P3H2: variants seen among roughly 807,000 people sequenced by gnomAD.
The protein encoded by P3H2 is leprecan-like 1.
In P3H2, 80 loss-of-function variants were observed where a neutral mutation model predicts 87.0. The observed-to-expected ratio is 0.92, with a 90% CI of 0.77 to 1.11. The LOEUF is 1.11. P3H2 is among the 50% of genes least tolerant of loss of function. The pLI is 0.00. For synonymous variants in P3H2, 367 were observed against 359.3 expected, an observed-to-expected ratio of 1.02 and a Z score of -0.24; for missense variants, 1,001 against 923.9, an observed-to-expected ratio of 1.08 and a Z score of -1.08.
rs1003114965 is a variant in P3H2 at position 189,966,166 on chromosome 3, A to G, written c.1894-2068T>C. Among the ~76,000 whole-genome samples, 5 of 147,690 alleles carry G rather than the reference A, an allele frequency of 3.4e-5. No individual in the cohort carries two copies. The East Asian group carries it at 6.5e-4, about 19-fold the overall frequency. On this transcript the variant is annotated intron_variant, in intron 13 of 14. Coordinates refer to ENST00000319332, the MANE Select transcript of P3H2 (RefSeq NM_018192.4). ...AAGAAAGAAAGAAAGAAAGAAAGAAAGAAAGAAAGAAAGAAAGAAAGAAAG... is the reference window on the plus strand; with the variant it reads ...AAGAAAGAAAGAAAGAAAGAAAGAAGGAAAGAAAGAAAGAAAGAAAGAAAG...
In P3H2 at chr3:190,015,061, G is replaced by T. The variant is rs1399768584; in HGVS notation, c.481-19619C>A. ...AGACAGAGTCTCACTCTGACACTGA[G>T]GATGGAGTGCAGGGCTGATCATAGC... On this transcript the variant is annotated intron_variant, in intron 1 of 14. Transcript: ENST00000319332. Among the ~76,000 whole-genome samples the T allele has an allele frequency of 2.0e-5, 3 of 152,164 alleles. No homozygotes were observed. In the East Asian group the frequency reaches 5.8e-4, roughly 29 times the overall value.
intron 1 of P3H2, among the ~76,000 whole-genome samples, chr3:190,011,412 G>T (rs1349983386): frequency 6.6e-6 from 1 of 151,972 alleles, no homozygotes; most frequent in Non-Finnish European, 1.5e-5. Context: ...TTTTATTTAT[G>T]GTCCTTAAAC....
chr3:190,095,200 A>G (rs913503040), intron 1 of P3H2, among the ~76,000 whole-genome samples: 54 of 150,894 alleles, frequency 3.6e-4, no homozygotes, highest in African/African-American at 1.3e-3. Context: ...TTTACAGATG[A>G]CAAAACCGAG....
At chr3:190,039,198 A>T (rs867825227) in intron 1 of P3H2, among the ~76,000 whole-genome samples, 10 of 151,852 alleles carry the variant, frequency 6.6e-5, no homozygotes, top group African/African-American at 1.7e-4. Flanking sequence ...TCAAAAAAAA[A>T]AATAAAAAAG....
intron 1 of P3H2, among the ~76,000 whole-genome samples, chr3:190,103,286 C>G (rs1286603228): frequency 6.6e-6 from 1 of 152,154 alleles, no homozygotes; most frequent in Non-Finnish European, 1.5e-5. Flanking sequence ...GTGCAAGACT[C>G]AAATAGTACT....
chr3:189,966,790 A>G (rs2108905167), intron 13 of P3H2, among the ~76,000 whole-genome samples: 1 of 152,356 alleles, frequency 6.6e-6, no homozygotes, highest in Admixed American at 6.5e-5. Flanking sequence ...ATTGAAAAGA[A>G]TCCACATATC....
chr3:190,051,475 G>A (rs2108961113), intron 1 of P3H2, among the ~76,000 whole-genome samples: 1 of 152,268 alleles, frequency 6.6e-6, no homozygotes, highest in South Asian at 2.1e-4. Context: ...GATAAATCCT[G>A]GGCATTTAGT....
Position 190,100,250 on chromosome 3 carries a change from G to GCC in P3H2, c.480+20000_480+20001dup, listed in dbSNP as rs57688779. On this transcript the variant is annotated intron_variant, in intron 1 of 14. Transcript: ENST00000319332. The stretch of plus-strand genomic sequence containing the variant: ...AACTCCGTCCCCCGCCCCCCCCGCC[G>GCC]CCCCCCCCCCCAAAAAAAACACTTC... Among the ~76,000 whole-genome samples the GCC allele has an allele frequency of 2.2e-3, 156 of 70,270 alleles. 2 individuals carry two copies. The highest frequency in any genetic ancestry group is 0.017 in the East Asian group (33 of 1,950). The allele number at this position is 70,270 out of a possible 152,430, so 46.1% of individuals were successfully genotyped here.
intron 1 of P3H2, among the ~76,000 whole-genome samples, chr3:190,101,187 C>T (rs1711613193): frequency 6.6e-6 from 1 of 151,840 alleles, no homozygotes; most frequent in Non-Finnish European, 1.5e-5. Context: ...TGAGACACAA[C>T]AACACTGAAA....
Position 189,972,985 on chromosome 3 carries a change from G to A in P3H2, c.1588C>T (p.Leu530=). Residue 530 remains leucine (L), a synonymous_variant, in exon 11 of 15, where the codon CTG becomes TTG. Coordinates refer to ENST00000319332, the MANE Select transcript of P3H2 (RefSeq NM_018192.4). ...GCCTTTTCGCTGATGTCATAAAACA[G>A]ACGAGCGCTCTTCAGTGGGACTCGA... The part of the protein sequence containing the change: ...EGRVPLKSAR[L]FYDISEKARR... 6.2e-7 allele frequency: 1 copy of A among 1,613,180 alleles called. No individual in the cohort carries two copies. Among genetic ancestry groups the A allele is most frequent in the Non-Finnish European group, 8.5e-7 (1 of 1,179,774 alleles).
At position 190,072,428 on chromosome 3, in the gene P3H2, T is replaced by C. The variant is rs536972685; in HGVS notation, c.480+47824A>G. ...GGAATCAGACAATCTCGTCCACTGA[T>C]GTTGAATTAGAGTATTAAGTGGTAC... On this transcript the variant is annotated intron_variant, in intron 1 of 14. Transcript: ENST00000319332. Among the ~76,000 whole-genome samples the C allele has an allele frequency of 2.2e-4, 33 of 152,328 alleles. No individual in the cohort carries two copies. The East Asian group carries it at 5.8e-3, about 27-fold the overall frequency.
At chr3:190,114,808 C>T (rs1378052808) in intron 1 of P3H2, among the ~76,000 whole-genome samples, 1 of 152,090 alleles carries the variant, frequency 6.6e-6, no homozygotes, top group Non-Finnish European at 1.5e-5. Context: ...ACAGCTATTT[C>T]AAGAAGATAT....
chr3:190,063,525 C>T lies in P3H2; in HGVS notation c.480+56727G>A, dbSNP rs548368818. Among the ~76,000 whole-genome samples the T allele has an allele frequency of 3.3e-3, 501 of 152,246 alleles. 2 individuals carry two copies. The highest frequency in any genetic ancestry group is 6.2e-3 in the Admixed American group (94 of 15,272). ...CATACCTGCAGTTGCTTTCAGACTT[C>T]CATTTTTTAAGTTTAAAAGCTTCCC... On this transcript the variant is annotated intron_variant, in intron 1 of 14. Coordinates refer to ENST00000319332, the MANE Select transcript of P3H2 (RefSeq NM_018192.4).
Position 190,034,452 on chromosome 3 carries a change from T to C in P3H2, c.481-39010A>G, listed in dbSNP as rs187577290. ...CTGCAGTATTGCACAGTTTCAGATA[T>C]GTAAAAAACATAGGAAAATAATAAC... On this transcript the variant is annotated intron_variant, in intron 1 of 14. Coordinates refer to ENST00000319332, the MANE Select transcript of P3H2 (RefSeq NM_018192.4). Among the ~76,000 whole-genome samples, 48 of 152,320 alleles carry C rather than the reference T, an allele frequency of 3.2e-4. No homozygotes were observed. In the East Asian group the frequency reaches 4.4e-3, roughly 14 times the overall value.
intron 1 of P3H2, among the ~76,000 whole-genome samples, chr3:190,006,205 T>G (rs1724382813): frequency 6.6e-6 from 1 of 152,232 alleles, no homozygotes; most frequent in Non-Finnish European, 1.5e-5. Context: ...GGCACTTGCA[T>G]TGATCTTATA....
rs758700290 is a variant in P3H2 at position 190,020,008 on chromosome 3, G to A, written c.481-24566C>T. ...CCTTACCCCATGAATACAATTCTGCGAGTAGTCATCATTGCCAGCAGGTGG... is the reference window on the plus strand; with the variant it reads ...CCTTACCCCATGAATACAATTCTGCAAGTAGTCATCATTGCCAGCAGGTGG... On this transcript the variant is annotated intron_variant, in intron 1 of 14. Coordinates refer to ENST00000319332, the MANE Select transcript of P3H2 (RefSeq NM_018192.4). Among the ~76,000 whole-genome samples the A allele has an allele frequency of 5.3e-5, 7 of 132,192 alleles. 3 individuals carry two copies. The highest frequency in any genetic ancestry group is 1.2e-4 in the Non-Finnish European group (7 of 59,794). The allele number at this position is 132,192 out of a possible 152,430, so 86.7% of individuals were successfully genotyped here.
chr3:190,010,262 A>T (rs969548933), intron 1 of P3H2, among the ~76,000 whole-genome samples: 7 of 152,210 alleles, frequency 4.6e-5, no homozygotes, highest in African/African-American at 1.4e-4. Context: ...GAGGTCAGGT[A>T]ATAATAGTTG....
Position 189,972,990 on chromosome 3 carries a change from G to A in P3H2, c.1583C>T (p.Ala528Val). The change falls in exon 11 of 15, where the codon GCT (alanine) becomes GTT (valine). Residue 528 changes from alanine to valine, a missense_variant. By Grantham distance (64) the Ala-to-Val change is moderately conservative. Transcript: ENST00000319332. ...GYEGRVPLKS[A>V]RLFYDISEKA... is the part of the protein sequence containing the mutation. The stretch of plus-strand genomic sequence containing the variant: ...TTCGCTGATGTCATAAAACAGACGA[G>A]CGCTCTTCAGTGGGACTCGACCTTC... 5 of 1,613,254 alleles carry A rather than the reference G, an allele frequency of 3.1e-6. No homozygotes were observed. The highest frequency in any genetic ancestry group is 1.3e-5 in the African/African-American group (1 of 74,736).
At chr3:190,063,126 G>A (rs571039340) in intron 1 of P3H2, among the ~76,000 whole-genome samples, 1 of 152,212 alleles carries the variant, frequency 6.6e-6, no homozygotes, top group South Asian at 2.1e-4. Flanking sequence ...TTAAATTTAG[G>A]AGTTCTACTT....
Sources: allele counts gnomAD v4.1 joint callset (sites outside exome capture counted in the v4.1 genomes callset), GRCh38; gene constraint gnomAD v4.1.1; transcripts MANE v1.5; gene names NCBI Gene and HGNC (gene_info 2026-07-23, HGNC 2026-07-21).